RNLS: variants seen among roughly 807,000 people sequenced by gnomAD.
RNLS encodes renalase, FAD dependent amine oxidase, also known as renalase.
RNLS carries 39 observed loss-of-function variants against 39.8 expected under a neutral mutation model. The ratio of observed to expected loss-of-function variants is 0.98; its 90% CI spans 0.76 to 1.28. RNLS has a LOEUF of 1.28. RNLS is among the 50% of genes most tolerant of loss of function. RNLS has a pLI of 0.00. For missense variants in RNLS, 410 were observed against 413.3 expected, an observed-to-expected ratio of 0.99 and a Z score of 0.07; for synonymous variants, 147 against 150.7, an observed-to-expected ratio of 0.98 and a Z score of 0.18.
chr10:88,405,716 G>A (rs1853222982), intron 4 of RNLS, among the ~76,000 whole-genome samples: 1 of 152,044 alleles, frequency 6.6e-6, no homozygotes, highest in African/African-American at 2.4e-5. Context: ...ATTGAAATGT[G>A]AGGTACCATT....
intron 4 of RNLS, among the ~76,000 whole-genome samples, chr10:88,434,298 G>A (rs1333018053): frequency 6.6e-6 from 1 of 152,090 alleles, no homozygotes; most frequent in East Asian, 1.9e-4. Flanking sequence ...GTGTGTGTGG[G>A]TGTATTAACA....
chr10:88,485,589 C>T (rs1844447266), intron 4 of RNLS, among the ~76,000 whole-genome samples: 1 of 137,468 alleles, frequency 7.3e-6, no homozygotes, highest in South Asian at 2.4e-4. Context: ...GATCACTCTT[C>T]TTTTTAGTTG....
At chr10:88,414,200 T>C (rs1175586615) in intron 4 of RNLS, among the ~76,000 whole-genome samples, 2 of 150,992 alleles carry the variant, frequency 1.3e-5, no homozygotes, top group African/African-American at 4.9e-5. Flanking sequence ...ATTGCAAGAG[T>C]ATAATAAAAA....
intron 4 of RNLS, among the ~76,000 whole-genome samples, chr10:88,572,032 C>T (rs1849868267): frequency 6.6e-6 from 1 of 152,260 alleles, no homozygotes; most frequent in Non-Finnish European, 1.5e-5. Flanking sequence ...TTTCTGGTGG[C>T]AGTGCACCAG....
At chr10:88,188,396 C>T in the RNLS span, among the ~76,000 whole-genome samples, 1 of 152,198 alleles carries the variant, frequency 6.6e-6, no homozygotes, top group African/African-American at 2.4e-5. Context: ...GCATTAGAGA[C>T]TTTTTACTAA....
At chr10:88,382,212 A>G (rs1309777291) in intron 4 of RNLS, among the ~76,000 whole-genome samples, 2 of 152,118 alleles carry the variant, frequency 1.3e-5, no homozygotes, top group Non-Finnish European at 2.9e-5. Flanking sequence ...ATCTCAAAAC[A>G]GTAAAAGAAG....
chr10:88,357,319 G>A (rs577859505), intron 5 of RNLS, among the ~76,000 whole-genome samples: 5 of 152,336 alleles, frequency 3.3e-5, no homozygotes, highest in Non-Finnish European at 4.4e-5. Context: ...CTCCTGGACA[G>A]TCTAACTTCA....
At chr10:88,424,809 G>A (rs1443079927) in intron 4 of RNLS, among the ~76,000 whole-genome samples, 1 of 152,054 alleles carries the variant, frequency 6.6e-6, no homozygotes, top group African/African-American at 2.4e-5. Context: ...GTTGAGCACT[G>A]GGGCAGAGGA....
At chr10:88,375,807 C>T (rs1344523311) in intron 4 of RNLS, among the ~76,000 whole-genome samples, 1 of 151,988 alleles carries the variant, frequency 6.6e-6, no homozygotes, top group African/African-American at 2.4e-5. Context: ...TAGGAGAAAA[C>T]CATATTTAAT....
chr10:88,486,025 A>T (rs1844491703), intron 4 of RNLS, among the ~76,000 whole-genome samples: 1 of 152,050 alleles, frequency 6.6e-6, no homozygotes. Flanking sequence ...TGTTAAGGAG[A>T]GGAAAAGATA....
At chr10:88,377,188 G>C (rs1241090978) in intron 4 of RNLS, among the ~76,000 whole-genome samples, 3 of 151,486 alleles carry the variant, frequency 2.0e-5, no homozygotes, top group East Asian at 3.9e-4. Context: ...CCACATCTCT[G>C]TGTGTGTGTG....
At chr10:88,288,667 AATTT>A (rs1051523390) in intron 6 of RNLS, among the ~76,000 whole-genome samples, 1 of 152,164 alleles carries the variant, frequency 6.6e-6, no homozygotes, top group Non-Finnish European at 1.5e-5. Context: ...ATGAGGTGGT[AATTT>A]ATTGGTGCTG....
intron 4 of RNLS, among the ~76,000 whole-genome samples, chr10:88,450,100 T>C (rs1278886102): frequency 1.3e-5 from 2 of 151,446 alleles, no homozygotes; most frequent in African/African-American, 4.9e-5. Context: ...GGAAGTTATA[T>C]AAGAATCTTA....
At chr10:88,480,525 G>A (rs1011557522) in intron 4 of RNLS, among the ~76,000 whole-genome samples, 7 of 152,292 alleles carry the variant, frequency 4.6e-5, no homozygotes, top group Non-Finnish European at 8.8e-5. Flanking sequence ...GGCTTCAAGC[G>A]ATTCTCCTGC....
At chr10:88,427,809 G>A (rs1254456540) in intron 4 of RNLS, among the ~76,000 whole-genome samples, 3 of 151,968 alleles carry the variant, frequency 2.0e-5, no homozygotes, top group Non-Finnish European at 4.4e-5. Flanking sequence ...AGTAACTCAT[G>A]TTGTTCTCAG....
the RNLS span, among the ~76,000 whole-genome samples, chr10:88,235,367 A>C: frequency 6.6e-6 from 1 of 152,154 alleles, no homozygotes; most frequent in Non-Finnish European, 1.5e-5. Flanking sequence ...ATCCAAAGCA[A>C]ACAAGCACGA....
the RNLS span, among the ~76,000 whole-genome samples, chr10:88,195,612 G>C: frequency 6.6e-6 from 1 of 152,162 alleles, no homozygotes; most frequent in Non-Finnish European, 1.5e-5. Flanking sequence ...TCATTAGAGA[G>C]TGGGAGCAAG....
At chr10:88,377,254 ACACACG>A (rs1446627083) in intron 4 of RNLS, among the ~76,000 whole-genome samples, 14 of 140,962 alleles carry the variant, frequency 9.9e-5, no homozygotes, top group Non-Finnish European at 2.1e-4. Flanking sequence ...ACACACACAC[ACACACG>A]CACACATCCT....
chr10:88,467,845 T>A (rs765887822), intron 4 of RNLS, among the ~76,000 whole-genome samples: 1 of 152,072 alleles, frequency 6.6e-6, no homozygotes, highest in Non-Finnish European at 1.5e-5. Context: ...CGTGGAGGCT[T>A]ATTAGAAAGG....
Sources: allele counts gnomAD v4.1 joint callset (sites outside exome capture counted in the v4.1 genomes callset), GRCh38; gene constraint gnomAD v4.1.1; transcripts MANE v1.5; gene names NCBI Gene and HGNC (gene_info 2026-07-23, HGNC 2026-07-21).